Variants in PLEKHG4B observed in about 807,000 individuals in gnomAD.
PLEKHG4B encodes the protein pleckstrin homology and RhoGEF domain containing G4B, also known as pleckstrin homology domain-containing family G member 4B.
PLEKHG4B carries 111 observed loss-of-function variants against 121.3 expected under a neutral mutation model. That is an observed-to-expected ratio of 0.92 (90% CI 0.78 to 1.07). The LOEUF (loss-of-function observed/expected upper bound fraction) is 1.07, where lower values mean the gene tolerates loss of function less well. PLEKHG4B is among the 50% of genes least tolerant of loss of function. The pLI is 0.00. For missense variants in PLEKHG4B, 1,831 were observed against 1,757.8 expected (o/e 1.04, Z -0.74); for synonymous variants, 738 against 725.0 (o/e 1.02, Z -0.29).
At chr5:130,763 A>G (rs1734755807) in intron 2 of PLEKHG4B, among the ~76,000 whole-genome samples, 1 of 152,224 alleles carries the variant, frequency 6.6e-6, no homozygotes. Flanking sequence ...GAAGACATCA[A>G]AATGAGAGAA....
chr5:163,591 G>A (rs1057246371), intron 13 of PLEKHG4B, 43 bp downstream of exon 13: 1 of 1,455,956 alleles, frequency 6.9e-7, no homozygotes, highest in South Asian at 1.4e-5. Flanking sequence ...CAGTCCTTGG[G>A]GATCTAGAAA....
At chr5:102,738 G>A (rs1733859695) in intron 1 of PLEKHG4B, among the ~76,000 whole-genome samples, 1 of 152,200 alleles carries the variant, frequency 6.6e-6, no homozygotes, top group African/African-American at 2.4e-5. Context: ...TCTCTTTATA[G>A]CAGTGTGAGA....
chr5:145,049 C>T, intron 6 of PLEKHG4B, 129 bp downstream of exon 6: 1 of 774,400 alleles, frequency 1.3e-6, no homozygotes, highest in East Asian at 2.8e-5. Flanking sequence ...AGATGGGGGC[C>T]CCTGTGCAGA....
chr5:99,285 C>T (rs933888040), intron 1 of PLEKHG4B, among the ~76,000 whole-genome samples: 3 of 146,168 alleles, frequency 2.1e-5, no homozygotes, highest in African/African-American at 2.5e-5. Flanking sequence ...CAAGAAAGAC[C>T]GTTGCAGTTT....
Position 156,761 on chromosome 5 carries a change from T to G in PLEKHG4B, c.2349-12T>G. ...CCGCCTGGAAGCCTGAGGACTGCCT[T>G]CTCTTCCTCAGGGACACCCTGGAGG... On this transcript the variant is annotated splice_polypyrimidine_tract_variant and intron_variant, in intron 10 of 19. Coordinates refer to ENST00000637938, the MANE Select transcript of PLEKHG4B (RefSeq NM_052909.5). The surrounding 1 kb of genome is among the most constrained non-coding windows in gnomAD (Gnocchi z 4.4). 6.5e-7 allele frequency: 1 copy of G among 1,546,362 alleles called. No individual in the cohort carries two copies. The highest frequency in any genetic ancestry group is 8.7e-7 in the Non-Finnish European group (1 of 1,143,720).
At chr5:163,711 GA>G (rs2071116271) in intron 13 of PLEKHG4B, among the ~76,000 whole-genome samples, 163 bp downstream of exon 13, 1 of 152,218 alleles carries the variant, frequency 6.6e-6, no homozygotes, top group Admixed American at 6.5e-5. Context: ...TTTTAAACTA[GA>G]TATGAGTTAC....
chr5:169,866 T>C (rs1399836621), intron 14 of PLEKHG4B, among the ~76,000 whole-genome samples: 1 of 152,224 alleles, frequency 6.6e-6, no homozygotes, highest in Non-Finnish European at 1.5e-5. Flanking sequence ...ATCACACCCA[T>C]TCTGCCAGCA....
intron 6 of PLEKHG4B, among the ~76,000 whole-genome samples, chr5:148,678 C>T (rs1735508292): frequency 6.6e-6 from 1 of 151,984 alleles, no homozygotes; most frequent in Non-Finnish European, 1.5e-5. Flanking sequence ...CAGTGCAATC[C>T]CTATCAAAAT....
chr5:181,968 G>A lies in PLEKHG4B; in HGVS notation c.4565-36G>A, dbSNP rs370597529. The A allele has an allele frequency of 1.5e-4, 244 of 1,594,894 alleles. No homozygotes were observed. The South Asian group carries it at 2.3e-3, about 15-fold the overall frequency. On this transcript the variant is annotated intron_variant, in intron 19 of 19. Transcript: ENST00000637938. ...CGAACCTGGGCTGCACTTCTGGAGCGGAAGCCAGCCTGACGTGCTTTCTGT... is the reference window on the plus strand; with the variant it reads ...CGAACCTGGGCTGCACTTCTGGAGCAGAAGCCAGCCTGACGTGCTTTCTGT...
chr5:169,279 T>C (rs1318882649), intron 13 of PLEKHG4B, 61 bp from the exon 14 acceptor site: 4 of 1,590,862 alleles, frequency 2.5e-6, no homozygotes, highest in Non-Finnish European at 3.4e-6. Flanking sequence ...CAGGCATGAA[T>C]TGCTTTTAAT....
intron 18 of PLEKHG4B, among the ~76,000 whole-genome samples, chr5:177,274 C>G (rs6882234): frequency 0.15 from 22,242 of 152,142 alleles, 3,760 homozygotes; most frequent in African/African-American, 0.41. Context: ...AGGCTTTCCC[C>G]TAAGCCTGGC....
chr5:122,749 A>G (rs1734506674), intron 2 of PLEKHG4B, among the ~76,000 whole-genome samples: 1 of 152,134 alleles, frequency 6.6e-6, no homozygotes, highest in African/African-American at 2.4e-5. Context: ...AAGACACACA[A>G]AAATGGAACC....
chr5:114,463 T>C (rs1183173743), intron 2 of PLEKHG4B, among the ~76,000 whole-genome samples: 1 of 152,150 alleles, frequency 6.6e-6, no homozygotes, highest in Non-Finnish European at 1.5e-5. Flanking sequence ...TTTTGGTGTT[T>C]GTTTGTTTTT....
At chr5:109,014 G>T (rs72710824) in intron 1 of PLEKHG4B, among the ~76,000 whole-genome samples, 8,696 of 152,252 alleles carry the variant, frequency 0.057, 359 homozygotes, top group Non-Finnish European at 0.082. Flanking sequence ...TTCACACCTG[G>T]CTTTCTCATT....
At chr5:146,142 G>A (rs2126410262) in intron 6 of PLEKHG4B, among the ~76,000 whole-genome samples, 1 of 136,574 alleles carries the variant, frequency 7.3e-6, no homozygotes, top group African/African-American at 2.8e-5. Context: ...CCCAACCTGT[G>A]GTCCTCCCTC....
intron 6 of PLEKHG4B, among the ~76,000 whole-genome samples, chr5:145,780 G>A (rs930572054): frequency 5.9e-5 from 9 of 152,070 alleles, no homozygotes; most frequent in African/African-American, 2.2e-4. Context: ...CAGGGACAGG[G>A]GGGTCCAGGG....
intron 2 of PLEKHG4B, among the ~76,000 whole-genome samples, chr5:123,466 G>A (rs1019949260): frequency 6.6e-6 from 1 of 152,088 alleles, no homozygotes; most frequent in Non-Finnish European, 1.5e-5. Flanking sequence ...TTCTTTAAAT[G>A]TTTGGTAAAA....
rs113069302 is a variant in PLEKHG4B, at chr5:137,246, G to T, written c.244-2237G>T. On this transcript the variant is annotated intron_variant, in intron 2 of 19. Coordinates refer to ENST00000637938, the MANE Select transcript of PLEKHG4B (RefSeq NM_052909.5). This position sits in a 1 kb window ranked among gnomAD's most constrained non-coding sequence, Gnocchi z 4.2. Reference sequence around the variant, plus strand: ...CAGGAAGTGGAATGGTGGGTGCCAGGGGCTCAGGGGCAGGGGAATGGTGAG... The same window carrying T: ...CAGGAAGTGGAATGGTGGGTGCCAGTGGCTCAGGGGCAGGGGAATGGTGAG... 3.0e-3 allele frequency among the ~76,000 whole-genome samples: 457 copies of T among 152,280 alleles called. 1 individual carries two copies. The highest frequency in any genetic ancestry group is 1.0e-2 in the African/African-American group (414 of 41,566).
Position 113,082 on chromosome 5 carries a change from C to T in PLEKHG4B, c.46-169C>T, listed in dbSNP as rs1330924482. ...CAAGGAGAACCACCAGGAGCTCGCC[C>T]TGCACCATGGATTCGCCTGCACATT... is the stretch of plus-strand genomic sequence containing the variant. On this transcript the variant is annotated intron_variant, in intron 1 of 19. Transcript: ENST00000637938. The surrounding 1 kb of genome is among the most constrained non-coding windows in gnomAD (Gnocchi z 5.2). Among the ~76,000 whole-genome samples the T allele has an allele frequency of 6.6e-6, 1 of 152,180 alleles. No homozygotes were observed. The highest frequency in any genetic ancestry group is 1.5e-5 in the Non-Finnish European group (1 of 68,028).
Sources: allele counts gnomAD v4.1 joint callset (sites outside exome capture counted in the v4.1 genomes callset), GRCh38; gene constraint gnomAD v4.1.1; non-coding constraint Gnocchi (gnomAD v3.1); transcripts MANE v1.5; gene names NCBI Gene and HGNC (gene_info 2026-07-23, HGNC 2026-07-21).